ADAMTSL1: variants seen among roughly 807,000 people sequenced by gnomAD.
ADAMTSL1 encodes ADAMTS like 1, also known as ADAMTS-like protein 1.
Under a neutral mutation model 201.8 loss-of-function variants are expected in ADAMTSL1, and 126 were observed. The ratio of observed to expected loss-of-function variants is 0.62; its 90% confidence interval spans 0.54 to 0.72. ADAMTSL1 has a LOEUF of 0.72. Ranked by LOEUF, ADAMTSL1 falls within the 30% of genes least tolerant of loss-of-function variation. The pLI is 0.00. For missense variants in ADAMTSL1, 2,679 were observed against 2,277.8 expected (o/e 1.18, Z -3.59); for synonymous variants, 1,121 against 903.4 (o/e 1.24, Z -4.32).
intron 2 of ADAMTSL1, among the ~76,000 whole-genome samples, chr9:18,389,232 A>G (rs1837943474): frequency 1.3e-5 from 2 of 150,322 alleles, no homozygotes; most frequent in African/African-American, 2.5e-5. Flanking sequence ...TCTTTGCTTA[A>G]TTCCTGAAAT....
intron 2 of ADAMTSL1, among the ~76,000 whole-genome samples, chr9:18,254,361 T>TG (rs1831588486): frequency 9.2e-6 from 1 of 109,014 alleles, no homozygotes; most frequent in African/African-American, 3.6e-5. Context: ...TTTTTTTTTT[T>TG]TTTTTTTTTT....
chr9:18,811,036 C>CAAAAAAA (rs1823474426), intron 20 of ADAMTSL1, among the ~76,000 whole-genome samples: 1 of 88,126 alleles, frequency 1.1e-5, no homozygotes, highest in Non-Finnish European at 2.1e-5. Context: ...AAAAAAAAAA[C>CAAAAAAA]AAACACCAGC....
intron 19 of ADAMTSL1, among the ~76,000 whole-genome samples, chr9:18,782,339 A>G (rs1170837007): frequency 1.3e-5 from 2 of 152,226 alleles, no homozygotes; most frequent in African/African-American, 4.8e-5. Context: ...AAATGAAACT[A>G]TGTTCCCTTG....
chr9:18,837,252 A>C (rs1193042702), intron 23 of ADAMTSL1, among the ~76,000 whole-genome samples: 2 of 152,108 alleles, frequency 1.3e-5, no homozygotes, highest in African/African-American at 2.4e-5. Flanking sequence ...TTTTAAGTTA[A>C]TTTATCTTTA....
intron 1 of ADAMTSL1, among the ~76,000 whole-genome samples, chr9:18,132,896 A>G (rs981981198): frequency 2.0e-5 from 3 of 152,106 alleles, no homozygotes; most frequent in African/African-American, 7.2e-5. Flanking sequence ...TCTGAGATTC[A>G]TCTTGTTCAA....
intron 2 of ADAMTSL1, among the ~76,000 whole-genome samples, chr9:18,232,194 A>C (rs1420425523): frequency 1.3e-5 from 2 of 152,094 alleles, no homozygotes; most frequent in Non-Finnish European, 2.9e-5. Flanking sequence ...TAGCCAAACT[A>C]GCTTCCTTGC....
intron 15 of ADAMTSL1, among the ~76,000 whole-genome samples, chr9:18,727,393 G>T (rs987761519): frequency 6.6e-6 from 1 of 152,354 alleles, no homozygotes; most frequent in African/African-American, 2.4e-5. Context: ...CACAGAAATT[G>T]AGTCCATATC....
At chr9:17,952,742 G>T (rs1006431459) in intron 1 of ADAMTSL1, among the ~76,000 whole-genome samples, 2 of 152,238 alleles carry the variant, frequency 1.3e-5, no homozygotes, top group Admixed American at 1.3e-4. Flanking sequence ...GGCCAGGCTG[G>T]TCTCGAACTC....
At chr9:18,416,135 T>C (rs1447401521) in intron 2 of ADAMTSL1, among the ~76,000 whole-genome samples, 1 of 152,050 alleles carries the variant, frequency 6.6e-6, no homozygotes, top group Non-Finnish European at 1.5e-5. Flanking sequence ...AATGGATAAC[T>C]ACAAGGGTAA....
intron 1 of ADAMTSL1, among the ~76,000 whole-genome samples, chr9:17,943,888 G>A (rs1778179): frequency 0.29 from 43,253 of 151,742 alleles, 6,927 homozygotes; most frequent in East Asian, 0.51. Flanking sequence ...TACAGTCATG[G>A]CAGAAGGTGA....
At chr9:18,784,818 A>G (rs1321294163) in intron 19 of ADAMTSL1, among the ~76,000 whole-genome samples, 1 of 152,164 alleles carries the variant, frequency 6.6e-6, no homozygotes, top group African/African-American at 2.4e-5. Flanking sequence ...CCGATATTGG[A>G]GTTGAAGCAC....
intron 7 of ADAMTSL1, among the ~76,000 whole-genome samples, chr9:18,654,033 G>T (rs1828464436): frequency 6.6e-6 from 1 of 152,236 alleles, no homozygotes; most frequent in Non-Finnish European, 1.5e-5. Context: ...TTTGAGACCT[G>T]CCTTGCCAAC....
chr9:18,364,337 T>G (rs1836667962), intron 2 of ADAMTSL1, among the ~76,000 whole-genome samples: 1 of 152,166 alleles, frequency 6.6e-6, no homozygotes, highest in Non-Finnish European at 1.5e-5. Flanking sequence ...AGGATGGCTA[T>G]TCTCAAACAC....
intron 22 of ADAMTSL1, among the ~76,000 whole-genome samples, chr9:18,829,292 T>A (rs935439881): frequency 2.0e-5 from 3 of 152,174 alleles, no homozygotes; most frequent in Admixed American, 1.3e-4. Flanking sequence ...TACTTAGGCA[T>A]AAAAATCCAA....
intron 2 of ADAMTSL1, among the ~76,000 whole-genome samples, chr9:18,183,608 A>G (rs1404637242): frequency 2.0e-5 from 3 of 152,228 alleles, no homozygotes; most frequent in Admixed American, 2.0e-4. Flanking sequence ...AAATAAGCAT[A>G]TAAAAATATG....
intron 3 of ADAMTSL1, among the ~76,000 whole-genome samples, chr9:18,566,426 C>T (rs186286535): frequency 5.9e-5 from 9 of 152,180 alleles, no homozygotes; most frequent in East Asian, 5.8e-4. Context: ...GTAAATTATC[C>T]GATATACTTG....
At chr9:17,974,831 A>G (rs1329173824) in intron 1 of ADAMTSL1, among the ~76,000 whole-genome samples, 2 of 152,078 alleles carry the variant, frequency 1.3e-5, no homozygotes, top group Admixed American at 6.6e-5. Flanking sequence ...ATAATGCTGC[A>G]ATGAACATGG....
intron 1 of ADAMTSL1, among the ~76,000 whole-genome samples, chr9:17,916,002 C>G (rs1486238690): frequency 6.6e-6 from 1 of 152,176 alleles, no homozygotes. Context: ...TCACTGAAAC[C>G]TCCACCTTCT....
chr9:18,238,128 G>A (rs1830918925), intron 2 of ADAMTSL1, among the ~76,000 whole-genome samples: 1 of 152,196 alleles, frequency 6.6e-6, no homozygotes, highest in Non-Finnish European at 1.5e-5. Context: ...GGGAGATGTT[G>A]ACTGTTGCCT....
Sources: gnomAD v4.1 joint callset for allele counts (sites outside exome capture counted in the v4.1 genomes callset) on GRCh38, gnomAD v4.1.1 for gene constraint, MANE v1.5 for transcripts, NCBI Gene and HGNC (gene_info 2026-07-23, HGNC 2026-07-21) for gene names.